The following DGCR6L variants were observed in gnomAD, a reference collection of about 807,000 sequenced individuals.
The protein encoded by DGCR6L is protein DGCR6L.
A neutral mutation model predicts 31.1 loss-of-function variants in DGCR6L; 24 were observed. The ratio of observed to expected loss-of-function variants is 0.77; its 90% CI spans 0.56 to 1.08. The LOEUF is 1.08. Among genes scored for constraint, DGCR6L ranks in the 50% least tolerant of loss-of-function variants. The probability of loss-of-function intolerance (pLI) is 0.00; values close to 1 mark genes in which losing one functional copy is unlikely to be tolerated. For synonymous variants in DGCR6L, 104 were observed against 126.1 expected (o/e 0.82, Z 1.17); for missense variants, 218 against 287.1 (o/e 0.76, Z 1.74).
chr22:20,316,109 C>G lies in DGCR6L; in HGVS notation c.372+10G>C, dbSNP rs565457994. The G allele has an allele frequency of 1.1e-5, 18 of 1,601,018 alleles. No homozygotes were observed. Among genetic ancestry groups the G allele is most frequent in the Non-Finnish European group, 1.4e-5 (17 of 1,174,212 alleles). On this transcript the variant is annotated intron_variant, in intron 3 of 4. Transcript: ENST00000248879. ...AGCTGGGCCGGCCACCCTGCCTGCG[C>G]CCCCAGTACCTCTAGTTCTCGCTGC...
intron 2 of DGCR6L, chr22:20,318,206 A>G (rs1432630134): frequency 6.5e-6 from 1 of 152,832 alleles, no homozygotes; most frequent in African/African-American, 2.4e-5. Flanking sequence ...GGGAACTGCC[A>G]AAATCCAACA....
At chr22:20,315,145 G>A (rs868212304) in intron 4 of DGCR6L, 191 bp downstream of exon 4, 2 of 1,401,602 alleles carry the variant, frequency 1.4e-6, no homozygotes, top group African/African-American at 1.4e-5. Context: ...ATGGCTGGCT[G>A]GCTCACCCTC....
Position 20,320,043 on chromosome 22 carries a change from A to T in DGCR6L, c.-55T>A. The T allele has an allele frequency of 6.8e-7, 1 of 1,474,008 alleles. No individual in the cohort carries two copies. The highest frequency in any genetic ancestry group is 8.9e-7 in the Non-Finnish European group (1 of 1,117,882). 91.3% of individuals were successfully genotyped at this position (1,474,008 alleles called of 1,614,324 possible). A position where few individuals can be genotyped will look rare whatever the true frequency, so the allele number is the denominator to read the frequency against. ...GGCGACGAGCTCCCCCAGCTTCACG[A>T]CATCCCGAGCGCGGCGCGTCCCGCC... On this transcript the variant is annotated 5_prime_UTR_variant, in exon 1 of 5. Coordinates refer to ENST00000248879, the MANE Select transcript of DGCR6L (RefSeq NM_033257.4).
rs369316716 is a variant in DGCR6L at position 20,319,797 on chromosome 22, G to A, written c.113C>T (p.Ser38Phe). 3.1e-6 allele frequency: 5 copies of A among 1,609,636 alleles called. No individual in the cohort carries two copies. In the African/African-American group the frequency reaches 5.3e-5, roughly 17 times the overall value. Reference protein sequence around the residue: ...LQSLVKELPSSFQQRLSYTTL... With the variant: ...LQSLVKELPSFFQQRLSYTTL... The stretch of plus-strand genomic sequence containing the variant: ...GGTGTAGGACAGGCGCTGCTGGAAA[G>A]AGCTGCGGGTAGGGGGGCGCGGTGA... Residue 38 changes from serine to phenylalanine, a missense_variant and splice_region_variant, in exon 2 of 5, where the codon TCT (serine) becomes TTT (phenylalanine). This residue lies in a region of DGCR6L where 77 missense variants were observed against 71.2 expected (regional missense o/e 1.08). Coordinates refer to ENST00000248879, the MANE Select transcript of DGCR6L (RefSeq NM_033257.4).
At chr22:20,319,589 G>T in intron 2 of DGCR6L, 50 bp downstream of exon 2, 1 of 1,597,382 alleles carries the variant, frequency 6.3e-7, no homozygotes, top group Non-Finnish European at 8.5e-7. Context: ...GAGCTGCCCG[G>T]AGGCGCCGAC....
At chr22:20,315,830 T>C (rs537127697) in intron 3 of DGCR6L, among the ~76,000 whole-genome samples, 1 of 152,278 alleles carries the variant, frequency 6.6e-6, no homozygotes, top group South Asian at 2.1e-4. Context: ...ACCCTACCAT[T>C]GCCTTTGTAC....
At chr22:20,319,611 G>A (rs762322367) in intron 2 of DGCR6L, 28 bp downstream of exon 2, 75 of 1,607,618 alleles carry the variant, frequency 4.7e-5, no homozygotes, top group Non-Finnish European at 6.1e-5. Flanking sequence ...CGGAGGAGGC[G>A]GCACCTCATC....
At chr22:20,314,877 A>T in intron 4 of DGCR6L, 53 bp from the exon 5 acceptor site, 1 of 1,609,004 alleles carries the variant, frequency 6.2e-7, no homozygotes, top group Non-Finnish European at 8.5e-7. Context: ...GGCCCCTTTC[A>T]TCCCGGCCCA....
In DGCR6L at chr22:20,319,941, C is replaced by G. The variant is rs1246575585; in HGVS notation, c.48G>C (p.Arg16=). 3 of 1,609,104 alleles carry G rather than the reference C, an allele frequency of 1.9e-6. No homozygotes were observed. Among genetic ancestry groups the G allele is most frequent in the Non-Finnish European group, 2.5e-6 (3 of 1,178,662 alleles). Residue 16 remains arginine (R), a synonymous_variant, in exon 1 of 5, where the codon CGG becomes CGC. Transcript: ENST00000248879. ...AALEEVADGA[R]QQERHYQLLS... is the part of the protein sequence containing the mutation. ...GCAACTGGTAGTGTCGCTCCTGCTGCCGGGCACCGTCCGCCACCTCCTCCA... is the reference window on the plus strand; with the variant it reads ...GCAACTGGTAGTGTCGCTCCTGCTGGCGGGCACCGTCCGCCACCTCCTCCA...
intron 2 of DGCR6L, among the ~76,000 whole-genome samples, 169 bp downstream of exon 2, chr22:20,319,470 C>T (rs2280117): frequency 0.43 from 65,103 of 152,138 alleles, 14,250 homozygotes; most frequent in Non-Finnish European, 0.46. Context: ...GTTGGACCCA[C>T]TGATCACCAA....
chr22:20,316,412 G>C (rs550645914), intron 2 of DGCR6L, among the ~76,000 whole-genome samples, 193 bp from the exon 3 acceptor site: 1 of 152,336 alleles, frequency 6.6e-6, no homozygotes, highest in Admixed American at 6.5e-5. Context: ...AAGTCTCCAG[G>C]GGACTCCAGA....
At chr22:20,315,149 C>A in intron 4 of DGCR6L, 187 bp downstream of exon 4, 5 of 1,430,908 alleles carry the variant, frequency 3.5e-6, no homozygotes, top group Non-Finnish European at 3.8e-6. Flanking sequence ...CTGGCTGGCT[C>A]ACCCTCCTGT....
intron 2 of DGCR6L, among the ~76,000 whole-genome samples, chr22:20,316,665 T>C (rs1740004253): frequency 6.6e-6 from 1 of 152,234 alleles, no homozygotes; most frequent in Admixed American, 6.5e-5. Context: ...GGCCTCTGCC[T>C]ACCAGGGGTG....
chr22:20,314,441 G>A lies in DGCR6L; in HGVS notation c.*234C>T. On this transcript the variant is annotated 3_prime_UTR_variant, in exon 5 of 5. Coordinates refer to ENST00000248879, the MANE Select transcript of DGCR6L (RefSeq NM_033257.4). Reference sequence around the variant, plus strand: ...GGATGTGCCCGGTGGAGTAAGGTGTGAGAACCCCCAGCCTCACTCTCTGCC... The same window carrying A: ...GGATGTGCCCGGTGGAGTAAGGTGTAAGAACCCCCAGCCTCACTCTCTGCC... 1.4e-6 allele frequency: 1 copy of A among 706,110 alleles called. No homozygotes were observed. Among genetic ancestry groups the A allele is most frequent in the Non-Finnish European group, 2.2e-6 (1 of 454,660 alleles). The allele number at this position is 706,110 out of a possible 1,614,324, so 43.7% of individuals were successfully genotyped here. A position where few individuals can be genotyped will look rare whatever the true frequency, so the allele number is the denominator to read the frequency against.
At chr22:20,317,487 C>G (rs1336607741) in intron 2 of DGCR6L, among the ~76,000 whole-genome samples, 1 of 152,234 alleles carries the variant, frequency 6.6e-6, no homozygotes, top group African/African-American at 2.4e-5. Flanking sequence ...CCTGCCAAAT[C>G]AGCAGGAGAA....
At chr22:20,315,586 C>T in intron 3 of DGCR6L, 110 bp from the exon 4 acceptor site, 1 of 1,477,804 alleles carries the variant, frequency 6.8e-7, no homozygotes, top group Admixed American at 2.0e-5. Flanking sequence ...TCCCCAGTGG[C>T]AGCAGCTCTG....
intron 4 of DGCR6L, chr22:20,315,072 C>T (rs1399074010): frequency 2.7e-5 from 32 of 1,193,984 alleles, no homozygotes; most frequent in African/African-American, 4.5e-5. Flanking sequence ...GAATGGCATG[C>T]GGGAGGGGAG....
At chr22:20,315,875 C>T (rs535889166) in intron 3 of DGCR6L, among the ~76,000 whole-genome samples, 1 of 152,332 alleles carries the variant, frequency 6.6e-6, no homozygotes, top group East Asian at 1.9e-4. Context: ...GAGGCCCAAA[C>T]CCACGAGGAG....
Position 20,319,656 on chromosome 22 carries a change from A to G in DGCR6L, c.254T>C (p.Leu85Pro). The G allele has an allele frequency of 6.2e-7, 1 of 1,611,500 alleles. No individual in the cohort carries two copies. Among genetic ancestry groups the G allele is most frequent in the Non-Finnish European group, 8.5e-7 (1 of 1,179,820 alleles). The change falls in exon 2 of 5, where the codon CTA becomes CCA. Residue 85 changes from leucine to proline, a missense_variant. Leu to Pro is a moderately conservative substitution (Grantham distance 98, BLOSUM62 -3). This residue lies in a region of DGCR6L where 78 missense variants were observed against 90.0 expected (regional missense o/e 0.87). Transcript: ENST00000248879. ...EKSLYNQRLRLQNEHRVLRQA... is the reference protein window; with the variant it reads ...EKSLYNQRLRPQNEHRVLRQA... ...CCGCGCACCTCGGTGCTCGTTCTGTAGGCGCAGGCGCTGGTTGTACAGGCT... is the reference window on the plus strand; with the variant it reads ...CCGCGCACCTCGGTGCTCGTTCTGTGGGCGCAGGCGCTGGTTGTACAGGCT...
Sources: gnomAD v4.1 joint callset for allele counts (sites outside exome capture counted in the v4.1 genomes callset) on GRCh38, gnomAD v4.1.1 for gene constraint, gnomAD v4.1.1 regional missense constraint, MANE v1.5 for transcripts, NCBI Gene and HGNC (gene_info 2026-07-23, HGNC 2026-07-21) for gene names.